ELAVL3: variants seen among roughly 807,000 people sequenced by gnomAD.
ELAVL3 encodes the protein ELAV like RNA binding protein 3.
ELAVL3 carries 8 observed loss-of-function variants against 34.2 expected under a neutral mutation model. The ratio of observed to expected loss-of-function variants is 0.23; its 90% CI spans 0.14 to 0.42. The LOEUF (loss-of-function observed/expected upper bound fraction) is 0.42. ELAVL3 is among the 10% of genes least tolerant of loss of function. The pLI, the probability that ELAVL3 is intolerant of heterozygous loss-of-function variation, is 1.00. For synonymous variants in ELAVL3, 209 were observed against 222.1 expected, an observed-to-expected ratio of 0.94 and a Z score of 0.53; for missense variants, 273 against 518.8, an observed-to-expected ratio of 0.53 and a Z score of 4.60.
intron 3 of ELAVL3, among the ~76,000 whole-genome samples, chr19:11,459,475 G>A (rs530965673): frequency 7.9e-4 from 120 of 151,724 alleles, no homozygotes; most frequent in African/African-American, 2.6e-3. Flanking sequence ...CATCATGTTG[G>A]TCAGGCTGGT....
intron 1 of ELAVL3, among the ~76,000 whole-genome samples, chr19:11,474,852 C>T (rs567727574): frequency 2.0e-5 from 3 of 152,188 alleles, no homozygotes; most frequent in South Asian, 4.1e-4. Context: ...TTTTTTGAGA[C>T]GGAGTCTTGC....
At chr19:11,459,088 C>T (rs887953751) in intron 3 of ELAVL3, among the ~76,000 whole-genome samples, 1 of 151,710 alleles carries the variant, frequency 6.6e-6, no homozygotes, top group Non-Finnish European at 1.5e-5. Flanking sequence ...GCTGAGACTA[C>T]AGGCGCCCAC....
At chr19:11,464,127 C>G (rs202030951) in intron 3 of ELAVL3, among the ~76,000 whole-genome samples, 1,254 of 89,900 alleles carry the variant, frequency 0.014, 21 homozygotes, top group African/African-American at 0.073. Context: ...CTCTCTGTCT[C>G]TCTCTCTCTC....
intron 3 of ELAVL3, among the ~76,000 whole-genome samples, chr19:11,459,300 A>AT (rs936746712): frequency 6.0e-5 from 9 of 148,936 alleles, no homozygotes; most frequent in East Asian, 2.0e-4. Context: ...TTTTTTTTTT[A>AT]TTTTTTTGTA....
In ELAVL3 at chr19:11,458,195, G is replaced by A. The variant is rs376252372; in HGVS notation, c.579C>T (p.Gly193=). 25 of 1,613,976 alleles carry A rather than the reference G, an allele frequency of 1.5e-5. No homozygotes were observed. The highest frequency in any genetic ancestry group is 1.8e-5 in the Non-Finnish European group (21 of 1,180,036). ...IKGLNGQKPL[G]AAEPITVKFA... is the part of the protein sequence containing the mutation. ...ACTTGACTGTGATGGGCTCAGCTGC[G>A]CCCAGCGGCTTCTGCCCATTCAGTC... Residue 193 remains glycine, a synonymous_variant, in exon 5 of 7, where the codon GGC becomes GGT. Transcript: ENST00000359227. The surrounding 1 kb of genome is among the most constrained non-coding windows in gnomAD (Gnocchi z 7.3).
Position 11,453,930 on chromosome 19 carries a change from TAG to T in ELAVL3, c.*594_*595del, listed in dbSNP as rs1415134326. 2.7e-5 allele frequency: 4 copies of T among 149,354 alleles called. No individual in the cohort carries two copies. The highest frequency in any genetic ancestry group is 7.4e-5 in the African/African-American group (3 of 40,332). 9.3% of individuals were successfully genotyped at this position (149,354 alleles called of 1,614,324 possible). On this transcript the variant is annotated 3_prime_UTR_variant, in exon 7 of 7. Transcript: ENST00000359227. ...AGGTCTTTTTCCCTTTTTACAAAAA[TAG>T]AGTTTTTCTTCCCCTCCCACCCCCC...
At chr19:11,462,650 A>G (rs1970912782) in intron 3 of ELAVL3, among the ~76,000 whole-genome samples, 1 of 149,396 alleles carries the variant, frequency 6.7e-6, no homozygotes, top group African/African-American at 2.5e-5. Flanking sequence ...AAATAAATAA[A>G]TTAATTAAGA....
At chr19:11,477,626 G>C (rs1246080209) in intron 1 of ELAVL3, among the ~76,000 whole-genome samples, 3 of 151,568 alleles carry the variant, frequency 2.0e-5, no homozygotes, top group Non-Finnish European at 2.9e-5. Flanking sequence ...GCTGATATTT[G>C]CTATAAGAGC....
At chr19:11,456,269 T>C (rs562920834) in intron 6 of ELAVL3, among the ~76,000 whole-genome samples, 1 of 150,474 alleles carries the variant, frequency 6.6e-6, no homozygotes, top group East Asian at 2.0e-4. Flanking sequence ...CGTGCCCAGC[T>C]AAATTTTTGT....
intron 5 of ELAVL3, among the ~76,000 whole-genome samples, chr19:11,457,796 G>T (rs311784): frequency 0.13 from 20,509 of 152,248 alleles, 2,671 homozygotes; most frequent in African/African-American, 0.34. Flanking sequence ...ACAGCCACGT[G>T]CCCAAAAGAG....
chr19:11,457,516 C>T (rs1211677499), intron 5 of ELAVL3, among the ~76,000 whole-genome samples: 1 of 152,226 alleles, frequency 6.6e-6, no homozygotes, highest in East Asian at 1.9e-4. Context: ...GGTAACTTGC[C>T]CCGGCCACCC....
At chr19:11,462,506 G>A (rs1316582821) in intron 3 of ELAVL3, among the ~76,000 whole-genome samples, 2 of 151,156 alleles carry the variant, frequency 1.3e-5, no homozygotes, top group African/African-American at 2.4e-5. Flanking sequence ...GCGTGGTGGC[G>A]GGCGCCTGTA....
At position 11,480,556 on chromosome 19, in the gene ELAVL3, T is replaced by C. The variant is rs1274567989; in HGVS notation, c.9+44A>G. 7 of 1,400,492 alleles carry C rather than the reference T, an allele frequency of 5.0e-6. No homozygotes were observed. The highest frequency in any genetic ancestry group is 4.1e-4 in the Middle Eastern group (2 of 4,894). The allele number at this position is 1,400,492 out of a possible 1,614,324, so 86.8% of individuals were successfully genotyped here. On this transcript the variant is annotated intron_variant, in intron 1 of 6. Transcript: ENST00000359227. This position sits in a 1 kb window ranked among gnomAD's most constrained non-coding sequence, Gnocchi z 6.8. ...AATCTCCGCGGAGCCTGGGCCCAACTCCTCCCCGTCCCGATTCCCTTTCGG... is the reference window on the plus strand; with the variant it reads ...AATCTCCGCGGAGCCTGGGCCCAACCCCTCCCCGTCCCGATTCCCTTTCGG...
intron 3 of ELAVL3, among the ~76,000 whole-genome samples, chr19:11,465,193 C>A (rs372209419): frequency 0.08 from 7,786 of 96,854 alleles, 590 homozygotes; most frequent in African/African-American, 0.22. Context: ...CGTAATACAC[C>A]TACACGCCAC....
Position 11,458,435 on chromosome 19 carries a change from T to TGCCCA in ELAVL3, c.487+22_487+23insTGGGC. On this transcript the variant is annotated intron_variant, in intron 4 of 6. Transcript: ENST00000359227. The surrounding 1 kb of genome is among the most constrained non-coding windows in gnomAD (Gnocchi z 7.3). ...GCCTTTGCCCAGCGCCCCCGCCAGG[T>TGCCCA]GCACCCTCCCTGACTGCCTGACCTG... 6.2e-7 allele frequency: 1 copy of TGCCCA among 1,613,736 alleles called. No individual in the cohort carries two copies. Among genetic ancestry groups the TGCCCA allele is most frequent in the Non-Finnish European group, 8.5e-7 (1 of 1,179,888 alleles).
At chr19:11,459,124 T>A (rs552613765) in intron 3 of ELAVL3, among the ~76,000 whole-genome samples, 62 of 150,254 alleles carry the variant, frequency 4.1e-4, no homozygotes, top group African/African-American at 1.5e-3. Context: ...GCATTTTTTT[T>A]TTCTTTTTTT....
rs781435684 is a variant in ELAVL3 at position 11,452,033 on chromosome 19, G to C, written c.*2493C>G. 7 of 152,220 alleles carry C rather than the reference G, an allele frequency of 4.6e-5. No individual in the cohort carries two copies. The highest frequency in any genetic ancestry group is 8.8e-5 in the Non-Finnish European group (6 of 68,024). The allele number at this position is 152,220 out of a possible 1,614,324, so 9.4% of individuals were successfully genotyped here. On this transcript the variant is annotated 3_prime_UTR_variant, in exon 7 of 7. Coordinates refer to ENST00000359227, the MANE Select transcript of ELAVL3 (RefSeq NM_001420.4). ...GAGGGCAGGGAGGACTTAAAACCAC[G>C]AGAATAAATAGGTTCGTGTATCAAG...
At chr19:11,478,912 G>A (rs907574750) in intron 1 of ELAVL3, among the ~76,000 whole-genome samples, 1 of 152,138 alleles carries the variant, frequency 6.6e-6, no homozygotes, top group African/African-American at 2.4e-5. Flanking sequence ...GGGCTACCAC[G>A]TGGTGCTGAC....
intron 1 of ELAVL3, among the ~76,000 whole-genome samples, chr19:11,469,715 T>C (rs911855753): frequency 3.3e-5 from 5 of 152,240 alleles, no homozygotes; most frequent in African/African-American, 1.2e-4. Context: ...TTTTTACATA[T>C]ATGTTGAGGA....
Sources: allele counts gnomAD v4.1 joint callset (sites outside exome capture counted in the v4.1 genomes callset), GRCh38; gene constraint gnomAD v4.1.1; non-coding constraint Gnocchi (gnomAD v3.1); transcripts MANE v1.5; gene names NCBI Gene and HGNC (gene_info 2026-07-23, HGNC 2026-07-21).